Variants in ABR observed in about 807,000 individuals in gnomAD.
ABR encodes the protein active breakpoint cluster region-related protein.
A neutral mutation model predicts 107.2 loss-of-function variants in ABR; 35 were observed. That is an observed-to-expected ratio of 0.33 (90% CI 0.25 to 0.43). The LOEUF (loss-of-function observed/expected upper bound fraction) is 0.43, where lower values mean the gene tolerates loss of function less well. ABR is among the 20% of genes least tolerant of loss of function. ABR has a pLI of 1.00. For synonymous variants in ABR, 498 were observed against 462.0 expected (o/e 1.08, Z -1.00); for missense variants, 815 against 1,115.2 (o/e 0.73, Z 3.83).
intron 1 of ABR, among the ~76,000 whole-genome samples, chr17:1,142,966 A>ACTCCTGGGGGACAGCTCG (rs918088440): frequency 2.1e-5 from 3 of 145,466 alleles, no homozygotes; most frequent in South Asian, 2.2e-4. Flanking sequence ...GAGGAAGCTC[A>ACTCCTGGGGGACAGCTCG]CTCCTGGGGG....
intron 1 of ABR, among the ~76,000 whole-genome samples, chr17:1,169,328 T>C (rs1019915807): frequency 1.3e-5 from 2 of 152,230 alleles, no homozygotes; most frequent in South Asian, 4.1e-4. Context: ...CAACCTTTCA[T>C]AGGTTTACTG....
chr17:1,083,724 GCAC>G, intron 4 of ABR, 97 bp from the exon 5 acceptor site: 3 of 1,005,028 alleles, frequency 3.0e-6, no homozygotes, highest in Non-Finnish European at 4.7e-6. Flanking sequence ...GAGCTCCCCT[GCAC>G]TGAAAACCTC....
chr17:1,052,077 A>C (rs1449714415), intron 14 of ABR, among the ~76,000 whole-genome samples: 1 of 151,734 alleles, frequency 6.6e-6, no homozygotes, highest in Non-Finnish European at 1.5e-5. Context: ...TTCTCAAAAA[A>C]AAAAAAACCA....
At chr17:1,042,696 G>A (rs560191165) in intron 16 of ABR, among the ~76,000 whole-genome samples, 37 of 151,038 alleles carry the variant, frequency 2.4e-4, no homozygotes, top group Admixed American at 6.6e-4. Context: ...AATAGACGTG[G>A]CACCTACATC....
intron 16 of ABR, among the ~76,000 whole-genome samples, chr17:1,034,344 A>C (rs2073014699): frequency 6.6e-6 from 1 of 152,168 alleles, no homozygotes; most frequent in African/African-American, 2.4e-5. Flanking sequence ...ACGAATCAAA[A>C]GTCAGTGCTT....
At chr17:1,085,110 C>CTTTT (rs1230702293) in intron 4 of ABR, among the ~76,000 whole-genome samples, 4 of 126,128 alleles carry the variant, frequency 3.2e-5, no homozygotes, top group Non-Finnish European at 6.6e-5. Flanking sequence ...CCAATTAAAA[C>CTTTT]TTTTTTTTTT....
At chr17:1,031,669 C>A (rs1444869961) in intron 16 of ABR, 1 of 1,258,158 alleles carries the variant, frequency 7.9e-7, no homozygotes, top group Non-Finnish European at 1.0e-6. Context: ...CGCTTGCTCC[C>A]CGACTCCTCC....
intron 1 of ABR, among the ~76,000 whole-genome samples, chr17:1,160,178 C>T (rs903133801): frequency 2.6e-5 from 4 of 151,920 alleles, no homozygotes; most frequent in Admixed American, 2.6e-4. Context: ...TGCTTGAACC[C>T]AGGAGGTGGA....
chr17:1,179,612 C>CATCCTGGGGTCCCGATCCCG lies in ABR; in HGVS notation c.61+35_61+54dup. The CATCCTGGGGTCCCGATCCCG allele has an allele frequency of 1.4e-6, 2 of 1,443,160 alleles. No homozygotes were observed. Among genetic ancestry groups the CATCCTGGGGTCCCGATCCCG allele is most frequent in the Non-Finnish European group, 9.2e-7 (1 of 1,088,328 alleles). The allele number at this position is 1,443,160 out of a possible 1,614,324, so 89.4% of individuals were successfully genotyped here. On this transcript the variant is annotated intron_variant, in intron 1 of 22. Coordinates refer to ENST00000302538, the MANE Select transcript of ABR (RefSeq NM_021962.5). The surrounding 1 kb of genome is among the most constrained non-coding windows in gnomAD (Gnocchi z 4.9). ...ATCCCGATCCTGGGGTCCCGATCTC[C>CATCCTGGGGTCCCGATCCCG]ATCCTGGGGTCCCGATCCCGATCCT...
At chr17:1,216,972 G>A (rs1191572125) in intron 1 of ABR, among the ~76,000 whole-genome samples, 3 of 152,148 alleles carry the variant, frequency 2.0e-5, no homozygotes, top group Non-Finnish European at 4.4e-5. Context: ...CCAGCATGGT[G>A]AGCTGTGCTC....
In ABR at chr17:1,083,622, G is replaced by C; in HGVS notation, c.537C>G (p.Ser179Arg). 2.5e-6 allele frequency: 4 copies of C among 1,613,830 alleles called. No individual in the cohort carries two copies. Among genetic ancestry groups the C allele is most frequent in the East Asian group, 2.2e-5 (1 of 44,862 alleles). The change falls in exon 5 of 23, where the codon AGC (serine) becomes AGG (arginine). Residue 179 changes from serine (S) to arginine (R), a missense_variant. Physicochemically the swap from Ser to Arg is moderately radical, Grantham distance 110. Around this residue, in one of 5 missense-constraint regions of ABR, gnomAD observed 385 missense variants for 596.9 expected, o/e 0.64. Transcript: ENST00000302538. Reference sequence around the variant, plus strand: ...CAAACGCTTTGTACACACCGAGCTGGCTGGCCTGCAGGGAGGAGTCAGGGA... The same window carrying C: ...CAAACGCTTTGTACACACCGAGCTGCCTGGCCTGCAGGGAGGAGTCAGGGA... The part of the protein sequence containing the change: ...TMGHLFQKLA[S>R]QLGVYKAFVD...
At chr17:1,053,832 C>T (rs1033163292) in intron 14 of ABR, among the ~76,000 whole-genome samples, 3 of 124,254 alleles carry the variant, frequency 2.4e-5, no homozygotes, top group African/African-American at 8.6e-5. Context: ...CATCTGGGGA[C>T]ATGGAGTGGT....
chr17:1,225,531 C>T (rs2043197678), intron 1 of ABR, among the ~76,000 whole-genome samples: 1 of 151,048 alleles, frequency 6.6e-6, no homozygotes, highest in African/African-American at 2.4e-5. Context: ...ACACTCTTGT[C>T]ATCCCAGCTA....
At chr17:1,188,792 C>T (rs1005359127), upstream of ABR, among the ~76,000 whole-genome samples, 4 of 152,248 alleles carry the variant, frequency 2.6e-5, no homozygotes, top group East Asian at 1.9e-4. Context: ...TACTAAATTT[C>T]GCCTTCATAA....
chr17:1,189,642 C>T (rs984837108), upstream of ABR, among the ~76,000 whole-genome samples: 19 of 151,938 alleles, frequency 1.3e-4, no homozygotes, highest in African/African-American at 4.6e-4. Context: ...CTGGCAAAAA[C>T]GCTCTACCCC....
At chr17:1,083,834 T>C in intron 4 of ABR, 1 of 559,738 alleles carries the variant, frequency 1.8e-6, no homozygotes, top group Admixed American at 2.8e-5. Context: ...GCTCAGCCAA[T>C]AAGGTTAATG....
chr17:1,144,413 A>T (rs1445422241), intron 1 of ABR, among the ~76,000 whole-genome samples: 1 of 151,930 alleles, frequency 6.6e-6, no homozygotes, highest in Non-Finnish European at 1.5e-5. Flanking sequence ...TGGGGCCAGG[A>T]GGCAGATCTG....
intron 16 of ABR, among the ~76,000 whole-genome samples, chr17:1,028,542 T>C (rs1037677465): frequency 6.6e-6 from 1 of 152,106 alleles, no homozygotes; most frequent in Non-Finnish European, 1.5e-5. Flanking sequence ...CAAGAGGGGC[T>C]CTCCACCCCG....
chr17:1,080,488 G>T (rs901512390), intron 5 of ABR, among the ~76,000 whole-genome samples: 37 of 152,306 alleles, frequency 2.4e-4, no homozygotes, highest in Admixed American at 7.2e-4. Context: ...AGCACACGGA[G>T]CCTCAAAGAG....
Sources: gnomAD v4.1 joint callset for allele counts (sites outside exome capture counted in the v4.1 genomes callset) on GRCh38, gnomAD v4.1.1 for gene constraint, gnomAD v4.1.1 regional missense constraint, Gnocchi (gnomAD v3.1) non-coding constraint, MANE v1.5 for transcripts, NCBI Gene and HGNC (gene_info 2026-07-23, HGNC 2026-07-21) for gene names.